Variants in ACTR3B observed in about 807,000 individuals in gnomAD.
The protein encoded by ACTR3B is actin related protein 3B, also known as actin-related protein 3B.
Under a neutral mutation model 59.0 loss-of-function variants are expected in ACTR3B, and 8 were observed. The ratio of observed to expected loss-of-function variants is 0.14; its 90% CI spans 0.08 to 0.24. The LOEUF (loss-of-function observed/expected upper bound fraction) is 0.24, where lower values mean the gene tolerates loss of function less well. ACTR3B is among the 10% of genes least tolerant of loss of function. ACTR3B has a pLI of 1.00. For synonymous variants in ACTR3B, 148 were observed against 197.9 expected, an observed-to-expected ratio of 0.75 and a Z score of 2.12; for missense variants, 245 against 552.3, an observed-to-expected ratio of 0.44 and a Z score of 5.58.
chr7:152,796,860 GTTTTTTTTTTTTTTTTTTTT>G (rs779909545), intron 2 of ACTR3B, among the ~76,000 whole-genome samples: 7 of 54,740 alleles, frequency 1.3e-4, no homozygotes, highest in African/African-American at 3.5e-4. Flanking sequence ...TAGTTTTTGT[GTTTTTTTTTTTTTTTTTTTT>G]TTTTTTTTTT....
intron 9 of ACTR3B, among the ~76,000 whole-genome samples, chr7:152,850,969 T>C (rs1490717259): frequency 6.6e-6 from 1 of 152,192 alleles, no homozygotes; most frequent in Non-Finnish European, 1.5e-5. Flanking sequence ...TTAATTTCCT[T>C]ATGTAGTTTT....
chr7:152,815,818 A>C (rs895880801), intron 5 of ACTR3B, among the ~76,000 whole-genome samples: 4 of 152,260 alleles, frequency 2.6e-5, no homozygotes, highest in African/African-American at 7.2e-5. Flanking sequence ...CAACTCCACA[A>C]GTGACCTCAT....
chr7:152,791,495 C>T (rs1481019560), intron 2 of ACTR3B, among the ~76,000 whole-genome samples: 2 of 152,124 alleles, frequency 1.3e-5, no homozygotes, highest in Admixed American at 1.3e-4. Flanking sequence ...CTATTTTGCC[C>T]CCAAAGGTTA....
intron 1 of ACTR3B, among the ~76,000 whole-genome samples, chr7:152,766,074 T>C (rs2098109206): frequency 6.6e-6 from 1 of 152,194 alleles, no homozygotes. Flanking sequence ...TCTTCATGTA[T>C]TAAGGTCTGT....
At chr7:152,831,658 C>T (rs184102125) in intron 9 of ACTR3B, among the ~76,000 whole-genome samples, 203 of 152,320 alleles carry the variant, frequency 1.3e-3, no homozygotes, top group Non-Finnish European at 2.6e-3. Context: ...GCAGGGAATG[C>T]AGCATGGGAG....
chr7:152,829,452 A>G (rs1419412377), intron 9 of ACTR3B, among the ~76,000 whole-genome samples: 1 of 152,208 alleles, frequency 6.6e-6, no homozygotes, highest in Admixed American at 6.5e-5. Flanking sequence ...GTTTTTTTAG[A>G]TGAAAGTAGC....
At chr7:152,815,674 G>A (rs1176466081) in intron 5 of ACTR3B, among the ~76,000 whole-genome samples, 3 of 152,020 alleles carry the variant, frequency 2.0e-5, no homozygotes, top group African/African-American at 7.2e-5. Context: ...AAGCCTCCCC[G>A]CCCCGACGAA....
In ACTR3B at chr7:152,839,275, G is replaced by A. The variant is rs148562042; in HGVS notation, c.952-12851G>A. Among the ~76,000 whole-genome samples, 51 of 143,008 alleles carry A rather than the reference G, an allele frequency of 3.6e-4. 3 individuals carry two copies. The South Asian group carries it at 4.9e-3, about 14-fold the overall frequency. 93.8% of individuals were successfully genotyped at this position (143,008 alleles called of 152,430 possible). ...CATGGGCTGCGGGGCGGGGGGTGGC[G>A]CCCATGTGTGTTGAGTGCGTGGATC... On this transcript the variant is annotated intron_variant, in intron 9 of 11. Coordinates refer to ENST00000256001, the MANE Select transcript of ACTR3B (RefSeq NM_020445.6).
At chr7:152,830,932 G>T (rs1796978889) in intron 9 of ACTR3B, among the ~76,000 whole-genome samples, 1 of 152,102 alleles carries the variant, frequency 6.6e-6, no homozygotes, top group Non-Finnish European at 1.5e-5. Flanking sequence ...ACATATCATT[G>T]GTTTTTTCAT....
intron 1 of ACTR3B, among the ~76,000 whole-genome samples, chr7:152,777,344 TC>T (rs1240424493): frequency 2.0e-5 from 3 of 152,202 alleles, no homozygotes; most frequent in African/African-American, 7.2e-5. Context: ...AACGGACTCT[TC>T]CTGTGTAAGA....
At chr7:152,791,140 A>G (rs561061668) in intron 2 of ACTR3B, among the ~76,000 whole-genome samples, 1 of 151,540 alleles carries the variant, frequency 6.6e-6, no homozygotes, top group African/African-American at 2.4e-5. Context: ...CCTCCCAAGT[A>G]GCTGGGATTA....
At chr7:152,781,225 C>A (rs1398226106) in intron 1 of ACTR3B, among the ~76,000 whole-genome samples, 26 of 142,518 alleles carry the variant, frequency 1.8e-4, no homozygotes, top group Non-Finnish European at 2.9e-4. Flanking sequence ...TTCTGAAACC[C>A]ATTACACATA....
chr7:152,785,659 T>C (rs373694651), intron 2 of ACTR3B, among the ~76,000 whole-genome samples: 2,846 of 95,968 alleles, frequency 0.03, 53 homozygotes, highest in Middle Eastern at 0.078. Flanking sequence ...GGGCTGGGAG[T>C]GGAACCATTT....
chr7:152,760,388 G>C (rs2098085756), intron 1 of ACTR3B, among the ~76,000 whole-genome samples: 1 of 152,216 alleles, frequency 6.6e-6, no homozygotes, highest in Non-Finnish European at 1.5e-5. Context: ...GCCTTCCAGC[G>C]TTCTCAGCAC....
chr7:152,809,284 C>T (rs557032013), intron 4 of ACTR3B, among the ~76,000 whole-genome samples: 1,780 of 151,104 alleles, frequency 0.012, 34 homozygotes, highest in African/African-American at 0.042. Context: ...GAACTTTTCA[C>T]CAGCTGCTGT....
chr7:152,853,739 T>C (rs1212269640), intron 11 of ACTR3B, among the ~76,000 whole-genome samples, 162 bp downstream of exon 11: 1 of 152,074 alleles, frequency 6.6e-6, no homozygotes, highest in Non-Finnish European at 1.5e-5. Flanking sequence ...TTTTTCGAGA[T>C]GGAGTCTCAC....
intron 1 of ACTR3B, among the ~76,000 whole-genome samples, chr7:152,782,946 AT>A: frequency 6.6e-6 from 1 of 151,768 alleles, no homozygotes; most frequent in East Asian, 1.9e-4. Flanking sequence ...GTTAGTATAT[AT>A]GTGTTTCTTT....
chr7:152,780,594 T>C (rs532092784), intron 1 of ACTR3B, among the ~76,000 whole-genome samples: 30 of 152,074 alleles, frequency 2.0e-4, no homozygotes, highest in African/African-American at 7.2e-4. Context: ...TGCTCAAGTC[T>C]GTTTTTGTAG....
chr7:152,772,230 G>A (rs905564734), intron 1 of ACTR3B, among the ~76,000 whole-genome samples: 6 of 151,438 alleles, frequency 4.0e-5, no homozygotes, highest in Non-Finnish European at 8.8e-5. Flanking sequence ...GCTTAAGAAT[G>A]TAGGGGGACT....
Sources: allele counts gnomAD v4.1 joint callset (sites outside exome capture counted in the v4.1 genomes callset), GRCh38; gene constraint gnomAD v4.1.1; transcripts MANE v1.5; gene names NCBI Gene and HGNC (gene_info 2026-07-23, HGNC 2026-07-21).